ASPRV1: variants seen among roughly 807,000 people sequenced by gnomAD.
The protein encoded by ASPRV1 is retroviral-like aspartic protease 1.
Under a neutral mutation model 11.0 loss-of-function variants are expected in ASPRV1, and 7 were observed. The ratio of observed to expected loss-of-function variants is 0.64; its 90% CI spans 0.36 to 1.20. The LOEUF (loss-of-function observed/expected upper bound fraction) is 1.20, where lower values mean the gene tolerates loss of function less well. ASPRV1 is among the 50% of genes most tolerant of loss of function. The probability of loss-of-function intolerance (pLI) is 0.02; values close to 1 mark genes in which losing one functional copy is unlikely to be tolerated. For synonymous variants in ASPRV1, 136 were observed against 138.4 expected (o/e 0.98, Z 0.12); for missense variants, 299 against 320.0 (o/e 0.93, Z 0.50).
the ASPRV1 span, among the ~76,000 whole-genome samples, chr2:70,041,016 G>C: frequency 6.6e-6 from 1 of 152,144 alleles, no homozygotes; most frequent in African/African-American, 2.4e-5. Flanking sequence ...GGCAAAAATG[G>C]ACAAATGCCA....
chr2:70,053,979 C>A, the ASPRV1 span: 2 of 152,334 alleles, frequency 1.3e-5, no homozygotes, highest in East Asian at 3.9e-4. Flanking sequence ...ATGCCTCCTG[C>A]CTTCAAAAAT....
the ASPRV1 span, among the ~76,000 whole-genome samples, chr2:69,987,380 T>C: frequency 6.6e-6 from 1 of 151,982 alleles, no homozygotes; most frequent in African/African-American, 2.4e-5. Flanking sequence ...CCTTGGCCCC[T>C]GACACTTCAG....
chr2:70,082,122 G>A, the ASPRV1 span, among the ~76,000 whole-genome samples: 58 of 151,780 alleles, frequency 3.8e-4, no homozygotes, highest in Admixed American at 2.2e-3. Flanking sequence ...TTACAGGCAC[G>A]CACCATCACG....
chr2:69,987,887 G>T, the ASPRV1 span, among the ~76,000 whole-genome samples: 1 of 152,220 alleles, frequency 6.6e-6, no homozygotes, highest in Non-Finnish European at 1.5e-5. Context: ...CCCAGGTACA[G>T]CTGCTCTGAG....
At chr2:69,988,271 C>T in the ASPRV1 span, among the ~76,000 whole-genome samples, 9 of 152,198 alleles carry the variant, frequency 5.9e-5, no homozygotes, top group South Asian at 2.1e-4. Context: ...ACAACCCAAG[C>T]GCCCACGCAT....
At chr2:69,982,492 T>C in the ASPRV1 span, among the ~76,000 whole-genome samples, 34,561 of 152,006 alleles carry the variant, frequency 0.23, 6,941 homozygotes, top group African/African-American at 0.51. Flanking sequence ...AATTGACCAC[T>C]TATGTGGGAA....
the ASPRV1 span, among the ~76,000 whole-genome samples, chr2:69,944,859 T>G: frequency 6.6e-6 from 1 of 151,566 alleles, no homozygotes; most frequent in African/African-American, 2.4e-5. Flanking sequence ...ACCAGCATGC[T>G]CTCAAAGGAA....
At chr2:69,991,993 A>G in the ASPRV1 span, among the ~76,000 whole-genome samples, 2 of 152,186 alleles carry the variant, frequency 1.3e-5, no homozygotes, top group Non-Finnish European at 2.9e-5. Flanking sequence ...AACCTGGATG[A>G]CCACCCGTGG....
the ASPRV1 span, chr2:69,940,145 G>T: frequency 6.8e-6 from 1 of 147,642 alleles, no homozygotes; most frequent in Non-Finnish European, 1.5e-5. Flanking sequence ...GTGACACAAA[G>T]GATTTTTTTT....
At chr2:70,023,916 G>C in the ASPRV1 span, among the ~76,000 whole-genome samples, 1 of 151,486 alleles carries the variant, frequency 6.6e-6, no homozygotes, top group Non-Finnish European at 1.5e-5. Context: ...GACAAAAAAG[G>C]TCCTCAAAGA....
the ASPRV1 span, chr2:70,085,525 A>T: frequency 2.6e-5 from 4 of 152,230 alleles, 1 homozygote; most frequent in South Asian, 8.3e-4. Context: ...GATTTACAGA[A>T]AAACCTGGAA....
At chr2:69,998,936 C>T in the ASPRV1 span, among the ~76,000 whole-genome samples, 1 of 152,132 alleles carries the variant, frequency 6.6e-6, no homozygotes, top group Admixed American at 6.5e-5. Flanking sequence ...AGGCCAAGAG[C>T]CATAGCAGTA....
the ASPRV1 span, among the ~76,000 whole-genome samples, chr2:69,945,289 C>T: frequency 1.3e-5 from 2 of 152,344 alleles, no homozygotes; most frequent in East Asian, 3.9e-4. Context: ...CATGCACCCC[C>T]TGAATCTAAA....
At chr2:70,020,600 G>A in the ASPRV1 span, among the ~76,000 whole-genome samples, 2 of 152,082 alleles carry the variant, frequency 1.3e-5, no homozygotes, top group African/African-American at 2.4e-5. Context: ...AAAATTAGCC[G>A]GTGTGGTGGC....
At chr2:69,950,748 C>G in the ASPRV1 span, among the ~76,000 whole-genome samples, 1 of 151,840 alleles carries the variant, frequency 6.6e-6, no homozygotes, top group Non-Finnish European at 1.5e-5. Flanking sequence ...GAGGCTGAGG[C>G]TGGAGAATCA....
At chr2:69,989,426 G>C in the ASPRV1 span, among the ~76,000 whole-genome samples, 1 of 152,260 alleles carries the variant, frequency 6.6e-6, no homozygotes, top group African/African-American at 2.4e-5. Context: ...GCTTGGCACA[G>C]AGGGGTGCAC....
the ASPRV1 span, among the ~76,000 whole-genome samples, chr2:70,002,040 T>C: frequency 6.6e-6 from 1 of 152,194 alleles, no homozygotes; most frequent in South Asian, 2.1e-4. Flanking sequence ...TTAAAGGATA[T>C]AACCAAAACC....
At chr2:70,086,320 G>A in the ASPRV1 span, 3 of 152,232 alleles carry the variant, frequency 2.0e-5, no homozygotes, top group South Asian at 2.1e-4. Flanking sequence ...GGGAGGCGGA[G>A]TAGCGCCACG....
chr2:70,057,017 G>T, the ASPRV1 span, among the ~76,000 whole-genome samples: 4 of 151,834 alleles, frequency 2.6e-5, no homozygotes, highest in East Asian at 7.8e-4. Context: ...GATTATAGGC[G>T]TGAGCCACCG....
Sources: gnomAD v4.1 joint callset for allele counts (sites outside exome capture counted in the v4.1 genomes callset) on GRCh38, gnomAD v4.1.1 for gene constraint, MANE v1.5 for transcripts, NCBI Gene and HGNC (gene_info 2026-07-23, HGNC 2026-07-21) for gene names.